XRCC4: variants seen among roughly 807,000 people sequenced by gnomAD.
XRCC4 encodes X-ray repair cross complementing 4.
In XRCC4, 28 loss-of-function variants were observed where a neutral mutation model predicts 39.1. The observed-to-expected ratio is 0.72, with a 90% CI of 0.53 to 0.98. The LOEUF (loss-of-function observed/expected upper bound fraction) is 0.98. Ranked by LOEUF, XRCC4 falls within the 50% of genes least tolerant of loss-of-function variation. The pLI is 0.00. For synonymous variants in XRCC4, 123 were observed against 126.4 expected (o/e 0.97, Z 0.18); for missense variants, 350 against 376.4 (o/e 0.93, Z 0.58).
chr5:83,348,232 T>C (rs990524837), intron 7 of XRCC4, among the ~76,000 whole-genome samples: 2 of 152,176 alleles, frequency 1.3e-5, no homozygotes, highest in Non-Finnish European at 2.9e-5. Flanking sequence ...CATTAGGCAG[T>C]GTCCCTTTGA....
chr5:83,241,322 A>G (rs28360206), intron 6 of XRCC4, among the ~76,000 whole-genome samples: 5,628 of 152,150 alleles, frequency 0.037, 344 homozygotes, highest in African/African-American at 0.13. Context: ...TTTTAAGTTA[A>G]TGCATTTATT....
intron 7 of XRCC4, among the ~76,000 whole-genome samples, chr5:83,261,431 A>C (rs1239019100): frequency 6.6e-6 from 1 of 151,968 alleles, no homozygotes; most frequent in African/African-American, 2.4e-5. Context: ...AAAATACATC[A>C]GTCCCTACCT....
At chr5:83,141,496 T>C (rs1213119194) in intron 3 of XRCC4, among the ~76,000 whole-genome samples, 2 of 152,206 alleles carry the variant, frequency 1.3e-5, no homozygotes, top group African/African-American at 4.8e-5. Flanking sequence ...TAATTTTCTT[T>C]TCTCTGATAG....
intron 7 of XRCC4, among the ~76,000 whole-genome samples, chr5:83,323,347 A>C (rs73138292): frequency 0.053 from 8,015 of 152,172 alleles, 639 homozygotes; most frequent in African/African-American, 0.17. Context: ...ATGTAATAGT[A>C]AATATACTAC....
intron 1 of XRCC4, among the ~76,000 whole-genome samples, chr5:83,095,841 G>A (rs964119113): frequency 1.3e-5 from 2 of 151,924 alleles, no homozygotes; most frequent in African/African-American, 2.4e-5. Flanking sequence ...AGCCTATTCC[G>A]GTATTATTAA....
At chr5:83,264,554 CCAGAAAAAT>C in intron 7 of XRCC4, among the ~76,000 whole-genome samples, 1 of 151,858 alleles carries the variant, frequency 6.6e-6, no homozygotes, top group Admixed American at 6.6e-5. Flanking sequence ...CATGCTCATT[CCAGAAAAAT>C]CAGAAAACCC....
intron 6 of XRCC4, among the ~76,000 whole-genome samples, chr5:83,223,896 T>G (rs1047401422): frequency 7.0e-6 from 1 of 142,368 alleles, no homozygotes; most frequent in East Asian, 2.1e-4. Context: ...TGTGATAGTT[T>G]GCTGAGAATG....
intron 6 of XRCC4, among the ~76,000 whole-genome samples, chr5:83,232,232 T>G (rs1429845035): frequency 6.6e-6 from 1 of 152,116 alleles, no homozygotes; most frequent in African/African-American, 2.4e-5. Context: ...ATTTTCTTCA[T>G]TCCTAATAAA....
intron 1 of XRCC4, among the ~76,000 whole-genome samples, chr5:83,100,403 T>G (rs1370470733): frequency 2.6e-5 from 4 of 152,128 alleles, no homozygotes; most frequent in African/African-American, 9.7e-5. Context: ...ATTGTGAAAG[T>G]AGAAGGAGTT....
At chr5:83,327,410 G>A (rs1756298735) in intron 7 of XRCC4, among the ~76,000 whole-genome samples, 1 of 151,932 alleles carries the variant, frequency 6.6e-6, no homozygotes, top group Non-Finnish European at 1.5e-5. Context: ...ATGTGGGGAT[G>A]TACCACAGTT....
At chr5:83,305,217 G>T (rs1356529029) in intron 7 of XRCC4, among the ~76,000 whole-genome samples, 3 of 151,812 alleles carry the variant, frequency 2.0e-5, no homozygotes, top group Non-Finnish European at 4.4e-5. Context: ...ACATCAGTGT[G>T]GTATATTTAC....
At chr5:83,361,776 C>A in the XRCC4 span, among the ~76,000 whole-genome samples, 2 of 152,054 alleles carry the variant, frequency 1.3e-5, no homozygotes, top group African/African-American at 2.4e-5. Flanking sequence ...CATCTGCCAC[C>A]ATGCCCAGCT....
intron 7 of XRCC4, among the ~76,000 whole-genome samples, chr5:83,299,231 G>T (rs537789417): frequency 1.3e-5 from 2 of 152,042 alleles, no homozygotes; most frequent in Non-Finnish European, 2.9e-5. Flanking sequence ...AGCATTCAAA[G>T]ATTTAATTTC....
At chr5:83,342,795 A>C (rs1260351226) in intron 7 of XRCC4, among the ~76,000 whole-genome samples, 1 of 152,176 alleles carries the variant, frequency 6.6e-6, no homozygotes, top group Non-Finnish European at 1.5e-5. Flanking sequence ...TTCTAAGATC[A>C]AATTTTTTTT....
intron 7 of XRCC4, among the ~76,000 whole-genome samples, chr5:83,327,555 T>TA (rs1341659932): frequency 6.6e-6 from 1 of 152,054 alleles, no homozygotes; most frequent in East Asian, 1.9e-4. Flanking sequence ...ATTAGCTTGA[T>TA]TGTTGTGGTT....
chr5:83,210,448 A>G (rs184447277), intron 6 of XRCC4, among the ~76,000 whole-genome samples: 21 of 152,162 alleles, frequency 1.4e-4, no homozygotes, highest in Non-Finnish European at 3.1e-4. Context: ...AGATCCTGTT[A>G]TTTAAGCTCA....
chr5:83,084,263 A>G (rs2112287937), intron 1 of XRCC4, among the ~76,000 whole-genome samples: 1 of 152,280 alleles, frequency 6.6e-6, no homozygotes, highest in African/African-American at 2.4e-5. Flanking sequence ...CTTTTGATAC[A>G]AGTAGGAGGG....
At chr5:83,307,154 C>A (rs1755520038) in intron 7 of XRCC4, among the ~76,000 whole-genome samples, 2 of 152,206 alleles carry the variant, frequency 1.3e-5, no homozygotes, top group South Asian at 4.1e-4. Context: ...TGCTAACAGA[C>A]AAATTCTCTA....
At position 83,111,300 on chromosome 5, in the gene XRCC4, A is replaced by G. The variant is rs45563832; in HGVS notation, c.315+97A>G. ...AAGTGACTACTATATTATTCCCAGA[A>G]CACCTCAGAAGCAAAAGCTTGAAAA... On this transcript the variant is annotated intron_variant, in intron 3 of 7. Coordinates refer to ENST00000396027, the MANE Select transcript of XRCC4 (RefSeq NM_003401.5). 1.9e-3 allele frequency: 1,905 copies of G among 986,906 alleles called. 6 individuals are homozygous for G. The highest frequency in any genetic ancestry group is 2.4e-3 in the Non-Finnish European group (1,745 of 722,722). The allele number at this position is 986,906 out of a possible 1,614,324, so 61.1% of individuals were successfully genotyped here. A position where few individuals can be genotyped will look rare whatever the true frequency, so the allele number is the denominator to read the frequency against.
Sources: gnomAD v4.1 joint callset for allele counts (sites outside exome capture counted in the v4.1 genomes callset) on GRCh38, gnomAD v4.1.1 for gene constraint, MANE v1.5 for transcripts, NCBI Gene and HGNC (gene_info 2026-07-23, HGNC 2026-07-21) for gene names.